Variants in CSMD1 observed in about 807,000 individuals in gnomAD.
CSMD1 encodes CUB and sushi domain-containing protein 1.
A neutral mutation model predicts 417.5 loss-of-function variants in CSMD1; 213 were observed. That is an observed-to-expected ratio of 0.51 (90% CI 0.46 to 0.57). CSMD1 has a LOEUF of 0.57. CSMD1 is among the 20% of genes least tolerant of loss of function. The pLI is 0.00. For synonymous variants in CSMD1, 2,862 were observed against 1,736.8 expected, an observed-to-expected ratio of 1.65 and a Z score of -16.11; for missense variants, 6,923 against 4,529.7, an observed-to-expected ratio of 1.53 and a Z score of -15.17.
At chr8:4,271,532 A>C (rs1804594681) in intron 3 of CSMD1, among the ~76,000 whole-genome samples, 1 of 152,088 alleles carries the variant, frequency 6.6e-6, no homozygotes. Flanking sequence ...GAACACCACC[A>C]ACAAAATACC....
At chr8:4,717,803 AC>A (rs1364973243) in intron 1 of CSMD1, among the ~76,000 whole-genome samples, 1 of 151,374 alleles carries the variant, frequency 6.6e-6, no homozygotes, top group Non-Finnish European at 1.5e-5. Flanking sequence ...AGACTATCTG[AC>A]CCTTTCAGAT....
chr8:3,603,781 C>T (rs1182351925), intron 8 of CSMD1, among the ~76,000 whole-genome samples: 3 of 152,098 alleles, frequency 2.0e-5, no homozygotes, highest in Non-Finnish European at 2.9e-5. Flanking sequence ...TATTAGTAAA[C>T]TAAATTTTTT....
chr8:3,919,350 C>T (rs1809060893), intron 5 of CSMD1, among the ~76,000 whole-genome samples: 1 of 152,092 alleles, frequency 6.6e-6, no homozygotes, highest in Non-Finnish European at 1.5e-5. Flanking sequence ...CATTCCTCTG[C>T]ACGACATACT....
In CSMD1 at chr8:4,431,215, T is replaced by G. The variant is rs1291321940; in HGVS notation, c.303-11150A>C. ...GAGTTTATTCCAGGTCTGTTTTCAT[T>G]ATCTCAACAACATTAAAAAAATAGT... is the stretch of plus-strand genomic sequence containing the variant. On this transcript the variant is annotated intron_variant, in intron 2 of 69. Coordinates refer to ENST00000635120, the MANE Select transcript of CSMD1 (RefSeq NM_033225.6). Among the ~76,000 whole-genome samples the G allele has an allele frequency of 2.6e-5, 4 of 152,152 alleles. No individual in the cohort carries two copies. The East Asian group carries it at 7.7e-4, about 29-fold the overall frequency.
intron 18 of CSMD1, chr8:3,373,842 T>C (rs1406591479): frequency 2.0e-5 from 3 of 152,176 alleles, no homozygotes; most frequent in Non-Finnish European, 2.9e-5. Flanking sequence ...GTATGTTACA[T>C]TAGAAATCTT....
chr8:4,852,490 A>G (rs1343204605), intron 1 of CSMD1, among the ~76,000 whole-genome samples: 1 of 152,144 alleles, frequency 6.6e-6, no homozygotes, highest in Non-Finnish European at 1.5e-5. Flanking sequence ...GGCCTCATCT[A>G]CAGGTCAGCC....
At chr8:2,942,682 G>T in intron 68 of CSMD1, 78 bp from the exon 69 acceptor site, 3 of 1,130,840 alleles carry the variant, frequency 2.7e-6, no homozygotes, top group Non-Finnish European at 3.6e-6. Context: ...TTTTGTAAAT[G>T]GATACGAACT....
intron 1 of CSMD1, among the ~76,000 whole-genome samples, chr8:4,763,787 T>C (rs1358380037): frequency 6.6e-6 from 1 of 152,218 alleles, no homozygotes; most frequent in Non-Finnish European, 1.5e-5. Flanking sequence ...TATGTTAACT[T>C]ATCTAAAAGA....
chr8:3,573,524 T>C (rs917352031), intron 10 of CSMD1, among the ~76,000 whole-genome samples: 1 of 152,152 alleles, frequency 6.6e-6, no homozygotes, highest in South Asian at 2.1e-4. Context: ...CCCTGGAGTT[T>C]TACCCAGCTC....
chr8:3,942,229 T>C (rs912306709), intron 5 of CSMD1, among the ~76,000 whole-genome samples: 1 of 152,056 alleles, frequency 6.6e-6, no homozygotes, highest in Non-Finnish European at 1.5e-5. Context: ...TCATCATATA[T>C]TACTGTGTAA....
intron 2 of CSMD1, among the ~76,000 whole-genome samples, chr8:4,484,065 G>A (rs114466124): frequency 1.3e-5 from 2 of 152,068 alleles, no homozygotes; most frequent in East Asian, 1.9e-4. Context: ...CAATACCTCA[G>A]CATCAGTTCA....
chr8:4,029,416 C>G (rs926052457), intron 4 of CSMD1, among the ~76,000 whole-genome samples: 4 of 152,096 alleles, frequency 2.6e-5, no homozygotes, highest in African/African-American at 9.7e-5. Flanking sequence ...GCAAGGAGGA[C>G]CTAGCCACGT....
intron 2 of CSMD1, among the ~76,000 whole-genome samples, chr8:4,626,145 A>G (rs2130828196): frequency 6.6e-6 from 1 of 152,286 alleles, no homozygotes; most frequent in East Asian, 1.9e-4. Flanking sequence ...TATCTCCTTT[A>G]CAAAGCTATT....
intron 6 of CSMD1, among the ~76,000 whole-genome samples, chr8:3,735,555 A>G (rs1425572138): frequency 6.6e-6 from 1 of 152,228 alleles, no homozygotes; most frequent in African/African-American, 2.4e-5. Flanking sequence ...CTGCCTTTAG[A>G]AAATATGAGT....
intron 1 of CSMD1, among the ~76,000 whole-genome samples, chr8:4,940,333 C>A: frequency 6.6e-6 from 1 of 152,126 alleles, no homozygotes; most frequent in African/African-American, 2.4e-5. Flanking sequence ...CTGACGTGCC[C>A]ATGTAATTTC....
At chr8:4,111,926 T>C (rs1418734825) in intron 3 of CSMD1, among the ~76,000 whole-genome samples, 14 of 152,144 alleles carry the variant, frequency 9.2e-5, no homozygotes, top group South Asian at 2.1e-4. Flanking sequence ...GAACTTAAAA[T>C]AAATAAAGTA....
chr8:3,010,168 C>G (rs1046426289), intron 52 of CSMD1, among the ~76,000 whole-genome samples: 4 of 152,166 alleles, frequency 2.6e-5, no homozygotes, highest in African/African-American at 9.7e-5. Context: ...CCCATTCATA[C>G]AGGAGGCAAA....
intron 2 of CSMD1, among the ~76,000 whole-genome samples, chr8:4,622,989 C>A (rs926969318): frequency 6.6e-6 from 1 of 151,746 alleles, no homozygotes; most frequent in African/African-American, 2.4e-5. Context: ...TCAGGAAACA[C>A]AAAAGAAAAA....
At chr8:4,214,254 G>C (rs978313012) in intron 3 of CSMD1, among the ~76,000 whole-genome samples, 1 of 152,160 alleles carries the variant, frequency 6.6e-6, no homozygotes, top group Non-Finnish European at 1.5e-5. Flanking sequence ...AAATGTTTGA[G>C]ACTTTTACAA....
Sources: allele counts gnomAD v4.1 joint callset (sites outside exome capture counted in the v4.1 genomes callset), GRCh38; gene constraint gnomAD v4.1.1; transcripts MANE v1.5; gene names NCBI Gene and HGNC (gene_info 2026-07-23, HGNC 2026-07-21).